The following MRTFB variants were observed in gnomAD, a reference collection of about 807,000 sequenced individuals.
MRTFB encodes the protein myocardin-related transcription factor B.
Under a neutral mutation model 104.2 loss-of-function variants are expected in MRTFB, and 29 were observed. That is an observed-to-expected ratio of 0.28 (90% CI 0.21 to 0.38). MRTFB has a LOEUF of 0.38. MRTFB is among the 10% of genes least tolerant of loss of function. The pLI is 1.00. For missense variants in MRTFB, 1,270 were observed against 1,341.6 expected (o/e 0.95, Z 0.83); for synonymous variants, 535 against 519.5 (o/e 1.03, Z -0.41).
intron 3 of MRTFB, among the ~76,000 whole-genome samples, chr16:14,148,012 A>G (rs1387326331): frequency 1.3e-5 from 2 of 152,210 alleles, no homozygotes; most frequent in Non-Finnish European, 2.9e-5. Context: ...TATTTTCTAT[A>G]TAGATTGAGA....
At chr16:14,045,986 T>C in the MRTFB span, among the ~76,000 whole-genome samples, 3 of 152,308 alleles carry the variant, frequency 2.0e-5, no homozygotes, top group South Asian at 4.1e-4. Flanking sequence ...CTAGTAGCAG[T>C]AGTGTTGGTC....
At chr16:14,227,205 A>G (rs1041781504) in intron 8 of MRTFB, among the ~76,000 whole-genome samples, 2 of 152,100 alleles carry the variant, frequency 1.3e-5, no homozygotes, top group East Asian at 3.8e-4. Flanking sequence ...CAGATCCCTC[A>G]TGAATAGATT....
chr16:14,189,671 T>C (rs893760163), intron 3 of MRTFB, among the ~76,000 whole-genome samples: 11 of 152,228 alleles, frequency 7.2e-5, no homozygotes, highest in Admixed American at 7.2e-4. Flanking sequence ...AAGCAACCTT[T>C]AGAATTTTTT....
chr16:14,133,157 C>T (rs988317095), intron 2 of MRTFB, among the ~76,000 whole-genome samples: 1 of 152,156 alleles, frequency 6.6e-6, no homozygotes, highest in Non-Finnish European at 1.5e-5. Context: ...AAGTCATAGA[C>T]AGTGGTGGCT....
intron 3 of MRTFB, among the ~76,000 whole-genome samples, chr16:14,158,801 A>C (rs2038922741): frequency 6.6e-6 from 1 of 152,172 alleles, no homozygotes; most frequent in Admixed American, 6.5e-5. Flanking sequence ...CCTTTCATTT[A>C]AGTTTATTCA....
At chr16:14,116,161 C>T (rs1256481703) in intron 2 of MRTFB, among the ~76,000 whole-genome samples, 4 of 152,018 alleles carry the variant, frequency 2.6e-5, no homozygotes, top group Admixed American at 6.6e-5. Context: ...AATAGCCACT[C>T]CTCATTTTTT....
rs561481808 is a variant in MRTFB at position 14,098,201 on chromosome 16, A to G, written c.-64+18847A>G. On this transcript the variant is annotated intron_variant, in intron 2 of 16. Coordinates refer to ENST00000571589, the MANE Select transcript of MRTFB (RefSeq NM_001308142.2). ...GTTGTCATTTCCTTTTATATTCCCA[A>G]CTGCAGTACATGAGAATTCCAGTTG... Among the ~76,000 whole-genome samples the G allele has an allele frequency of 5.9e-5, 9 of 152,180 alleles. No individual in the cohort carries two copies. The South Asian group carries it at 1.7e-3, about 28-fold the overall frequency.
intron 2 of MRTFB, among the ~76,000 whole-genome samples, chr16:14,124,390 T>C (rs2037004354): frequency 6.6e-6 from 1 of 152,228 alleles, no homozygotes; most frequent in Admixed American, 6.5e-5. Context: ...GGTATGATAT[T>C]GGCTATGGAT....
At chr16:14,179,725 T>G (rs1343834812) in intron 3 of MRTFB, among the ~76,000 whole-genome samples, 1 of 152,192 alleles carries the variant, frequency 6.6e-6, no homozygotes, top group Non-Finnish European at 1.5e-5. Context: ...AGAATGCAGG[T>G]AAGGCATGAA....
the MRTFB span, among the ~76,000 whole-genome samples, chr16:14,048,801 C>T: frequency 6.6e-6 from 1 of 152,154 alleles, no homozygotes; most frequent in South Asian, 2.1e-4. Context: ...TCCACCACCC[C>T]CTTTTGATTT....
intron 3 of MRTFB, among the ~76,000 whole-genome samples, chr16:14,178,366 G>A (rs1174788822): frequency 6.6e-6 from 1 of 152,110 alleles, no homozygotes; most frequent in Non-Finnish European, 1.5e-5. Context: ...GTGGAACAGA[G>A]GTGCAGGAGA....
At chr16:14,080,288 C>G (rs1437237424) in intron 2 of MRTFB, among the ~76,000 whole-genome samples, 1 of 152,204 alleles carries the variant, frequency 6.6e-6, no homozygotes, top group Non-Finnish European at 1.5e-5. Context: ...GTCCTGCTTT[C>G]CATATCCTTG....
chr16:14,209,560 T>G (rs1469744500), intron 3 of MRTFB, among the ~76,000 whole-genome samples: 3 of 152,186 alleles, frequency 2.0e-5, no homozygotes, highest in Admixed American at 6.5e-5. Flanking sequence ...AATTTTTTAT[T>G]AAATTTGGCA....
chr16:14,035,561 C>T, the MRTFB span, among the ~76,000 whole-genome samples: 13 of 152,084 alleles, frequency 8.5e-5, no homozygotes, highest in East Asian at 9.7e-4. Flanking sequence ...GTGTGCCAGA[C>T]GCTATTTTAA....
intron 3 of MRTFB, among the ~76,000 whole-genome samples, chr16:14,175,797 C>T (rs192491422): frequency 8.6e-4 from 131 of 152,174 alleles, no homozygotes; most frequent in Non-Finnish European, 1.5e-3. Context: ...AACCAACCAC[C>T]GATGAGGTGC....
the MRTFB span, among the ~76,000 whole-genome samples, chr16:14,005,355 G>A: frequency 1.3e-5 from 2 of 152,104 alleles, no homozygotes; most frequent in African/African-American, 2.4e-5. Flanking sequence ...ATCACACACC[G>A]TGCAAAGGAA....
intron 3 of MRTFB, among the ~76,000 whole-genome samples, chr16:14,171,477 C>G (rs904190962): frequency 6.7e-6 from 1 of 149,714 alleles, no homozygotes; most frequent in African/African-American, 2.5e-5. Context: ...CCAGCCTGGG[C>G]GACAGAGTGA....
the MRTFB span, among the ~76,000 whole-genome samples, chr16:14,043,207 A>T: frequency 6.6e-6 from 1 of 152,088 alleles, no homozygotes; most frequent in Admixed American, 6.5e-5. Flanking sequence ...TCTACATCTT[A>T]TGTCTGCTCA....
chr16:14,220,624 C>G (rs150883693), intron 8 of MRTFB, among the ~76,000 whole-genome samples: 2 of 152,162 alleles, frequency 1.3e-5, no homozygotes, highest in South Asian at 2.1e-4. Context: ...AACAGTGTTT[C>G]TTGAAGAATA....
Sources: allele counts gnomAD v4.1 joint callset (sites outside exome capture counted in the v4.1 genomes callset), GRCh38; gene constraint gnomAD v4.1.1; transcripts MANE v1.5; gene names NCBI Gene and HGNC (gene_info 2026-07-23, HGNC 2026-07-21).